The following FNDC3B variants were observed in gnomAD, a reference collection of about 807,000 sequenced individuals.
FNDC3B encodes fibronectin type III domain-containing protein 3B.
FNDC3B carries 12 observed loss-of-function variants against 151.5 expected under a neutral mutation model. The ratio of observed to expected loss-of-function variants is 0.08; its 90% CI spans 0.05 to 0.13. The LOEUF (loss-of-function observed/expected upper bound fraction) is 0.13, where lower values mean the gene tolerates loss of function less well. Ranked by LOEUF, FNDC3B falls within the 10% of genes least tolerant of loss-of-function variation. The pLI is 1.00. For synonymous variants in FNDC3B, 528 were observed against 549.0 expected, an observed-to-expected ratio of 0.96 and a Z score of 0.54; for missense variants, 1,214 against 1,505.3, an observed-to-expected ratio of 0.81 and a Z score of 3.20.
chr3:172,143,179 G>A (rs946729486), intron 3 of FNDC3B, among the ~76,000 whole-genome samples: 2 of 152,176 alleles, frequency 1.3e-5, no homozygotes, highest in Admixed American at 1.3e-4. Context: ...AGGTAATTTA[G>A]AGAAGTTATT....
intron 11 of FNDC3B, among the ~76,000 whole-genome samples, chr3:172,323,681 C>T (rs1310108923): frequency 1.3e-5 from 2 of 152,338 alleles, no homozygotes; most frequent in Non-Finnish European, 1.5e-5. Context: ...TTTATATACT[C>T]TCCAAGCTCC....
chr3:172,341,038 T>C, intron 16 of FNDC3B, 75 bp from the exon 17 acceptor site: 1 of 972,834 alleles, frequency 1.0e-6, no homozygotes, highest in Non-Finnish European at 1.7e-6. Flanking sequence ...ACATAGAGCT[T>C]TTTCTTGTCA....
At chr3:172,299,306 T>C (rs1397475717) in intron 9 of FNDC3B, among the ~76,000 whole-genome samples, 7 of 152,208 alleles carry the variant, frequency 4.6e-5, no homozygotes, top group African/African-American at 1.7e-4. Context: ...CCATGTGGCA[T>C]AGTATGTAGC....
intron 6 of FNDC3B, among the ~76,000 whole-genome samples, chr3:172,263,724 G>A (rs1728780577): frequency 6.7e-6 from 1 of 148,668 alleles, no homozygotes; most frequent in Non-Finnish European, 1.5e-5. Flanking sequence ...TCATTTCATT[G>A]AAGAATTTCA....
At chr3:172,069,071 A>G (rs996410527) in intron 1 of FNDC3B, among the ~76,000 whole-genome samples, 3 of 152,162 alleles carry the variant, frequency 2.0e-5, no homozygotes, top group Non-Finnish European at 4.4e-5. Flanking sequence ...TCTGTGTTAC[A>G]TATTTTCCTG....
chr3:172,286,021 T>C, intron 7 of FNDC3B, 37 bp downstream of exon 7: 1 of 1,515,476 alleles, frequency 6.6e-7, no homozygotes, highest in South Asian at 1.2e-5. Context: ...AATGACACTT[T>C]TTAAAGTATT....
chr3:172,124,915 C>T (rs776012095), intron 2 of FNDC3B, among the ~76,000 whole-genome samples: 11 of 152,144 alleles, frequency 7.2e-5, no homozygotes, highest in African/African-American at 1.9e-4. Context: ...CGCTGTAAGG[C>T]GGCAGTCATC....
intron 21 of FNDC3B, among the ~76,000 whole-genome samples, 185 bp downstream of exon 21, chr3:172,347,546 G>A (rs937202934): frequency 6.6e-6 from 1 of 152,132 alleles, no homozygotes; most frequent in Non-Finnish European, 1.5e-5. Flanking sequence ...ACTTCTCTAG[G>A]AAATTCTGAA....
intron 2 of FNDC3B, among the ~76,000 whole-genome samples, chr3:172,117,358 T>C (rs1026568121): frequency 5.9e-5 from 9 of 152,212 alleles, no homozygotes; most frequent in African/African-American, 1.7e-4. Context: ...ATGCCTTTGT[T>C]GACATTTTCA....
In FNDC3B at chr3:172,397,250, C is replaced by T; in HGVS notation, c.3390C>T (p.Arg1130=). ...DYRFRVCACR[R]CLDTSQELSG... ...GGTTCCGCGTATGTGCGTGTCGTCG[C>T]TGTTTAGACACCTCTCAGGAGCTAA... The change falls in exon 26 of 26, where the codon CGC becomes CGT. Residue 1130 remains arginine, a synonymous_variant. Transcript: ENST00000415807. 6.2e-7 allele frequency: 1 copy of T among 1,614,212 alleles called. No homozygotes were observed. Among genetic ancestry groups the T allele is most frequent in the Non-Finnish European group, 8.5e-7 (1 of 1,180,034 alleles).
At chr3:172,346,935 C>T (rs1473747704) in intron 20 of FNDC3B, among the ~76,000 whole-genome samples, 1 of 152,120 alleles carries the variant, frequency 6.6e-6, no homozygotes, top group South Asian at 2.1e-4. Flanking sequence ...AACTCCTTAT[C>T]TTAGGCAATC....
chr3:172,199,796 C>G (rs1725045619), intron 3 of FNDC3B, among the ~76,000 whole-genome samples: 1 of 151,876 alleles, frequency 6.6e-6, no homozygotes, highest in African/African-American at 2.4e-5. Flanking sequence ...AATTATTTAC[C>G]CAGTGAGTGA....
At chr3:172,227,722 T>G (rs917301978) in intron 4 of FNDC3B, among the ~76,000 whole-genome samples, 1 of 152,154 alleles carries the variant, frequency 6.6e-6, no homozygotes, top group Admixed American at 6.5e-5. Context: ...TTCTTCCTAC[T>G]TACCATAAAA....
At chr3:172,093,788 G>C (rs1576856231) in intron 1 of FNDC3B, among the ~76,000 whole-genome samples, 1 of 152,160 alleles carries the variant, frequency 6.6e-6, no homozygotes, top group South Asian at 2.1e-4. Flanking sequence ...GGAGAATTTC[G>C]TGAGAATACA....
chr3:172,139,863 A>C (rs747739382), intron 3 of FNDC3B, among the ~76,000 whole-genome samples: 15 of 151,936 alleles, frequency 9.9e-5, no homozygotes, highest in Non-Finnish European at 1.9e-4. Flanking sequence ...CGATCAGATC[A>C]TAGCTCGTTG....
chr3:172,087,597 A>AAT (rs1269003677), intron 1 of FNDC3B, among the ~76,000 whole-genome samples: 1 of 150,226 alleles, frequency 6.7e-6, no homozygotes, highest in Non-Finnish European at 1.5e-5. Flanking sequence ...TAAGGGATGG[A>AAT]ATAGATAATC....
chr3:172,303,019 T>C (rs1731009507), intron 9 of FNDC3B: 1 of 151,910 alleles, frequency 6.6e-6, no homozygotes. Flanking sequence ...AATACTTATA[T>C]ATATATAAAT....
chr3:172,397,299 G>A lies in FNDC3B; in HGVS notation c.3439G>A (p.Ala1147Thr). The A allele has an allele frequency of 6.2e-7, 1 of 1,614,202 alleles. No homozygotes were observed. The highest frequency in any genetic ancestry group is 2.2e-5 in the East Asian group (1 of 44,884). The change falls in exon 26 of 26, where the codon GCT becomes ACT. Residue 1147 changes from alanine (A) to threonine (T), a missense_variant. By Grantham distance (58) the Ala-to-Thr change is moderately conservative (BLOSUM62 0). Around this residue, in one of 7 missense-constraint regions of FNDC3B, gnomAD observed 284 missense variants for 392.4 expected, o/e 0.72. Coordinates refer to ENST00000415807, the MANE Select transcript of FNDC3B (RefSeq NM_022763.4). ...ELSGAFSPSA[A>T]FVLQRSEVML... ...AAGCGGAGCCTTCAGCCCCTCTGCG[G>A]CTTTTGTATTACAACGAAGTGAGGT...
chr3:172,341,854 A>G (rs563904506), intron 17 of FNDC3B, among the ~76,000 whole-genome samples: 18 of 152,340 alleles, frequency 1.2e-4, no homozygotes, highest in South Asian at 4.1e-4. Flanking sequence ...TTTCAACCAC[A>G]TAGTACTCTC....
Sources: gnomAD v4.1 joint callset for allele counts (sites outside exome capture counted in the v4.1 genomes callset) on GRCh38, gnomAD v4.1.1 for gene constraint, gnomAD v4.1.1 regional missense constraint, MANE v1.5 for transcripts, NCBI Gene and HGNC (gene_info 2026-07-23, HGNC 2026-07-21) for gene names.